Variants in TGIF2 observed in about 807,000 individuals in gnomAD.
TGIF2 encodes TGFB induced factor homeobox 2.
In TGIF2, 5 loss-of-function variants were observed where a neutral mutation model predicts 15.1. The ratio of observed to expected loss-of-function variants is 0.33; its 90% CI spans 0.17 to 0.70. TGIF2 has a LOEUF of 0.70. TGIF2 is among the 30% of genes least tolerant of loss of function. The probability of loss-of-function intolerance (pLI) is 0.67; values close to 1 mark genes in which losing one functional copy is unlikely to be tolerated. For missense variants in TGIF2, 264 were observed against 302.5 expected (o/e 0.87, Z 0.94); for synonymous variants, 131 against 128.9 (o/e 1.02, Z -0.11).
chr20:36,587,254 G>C (rs2038678799), intron 2 of TGIF2, among the ~76,000 whole-genome samples: 1 of 152,210 alleles, frequency 6.6e-6, no homozygotes, highest in East Asian at 1.9e-4. Flanking sequence ...ATGCTAGGCT[G>C]CCAAGTGATC....
intron 2 of TGIF2, among the ~76,000 whole-genome samples, chr20:36,583,320 G>A (rs1202286603): frequency 6.6e-6 from 1 of 151,370 alleles, no homozygotes; most frequent in Admixed American, 6.6e-5. Context: ...TGGTCTGGCA[G>A]GGTAACTCAT....
At chr20:36,589,418 A>C (rs985984724) in intron 2 of TGIF2, among the ~76,000 whole-genome samples, 2 of 150,056 alleles carry the variant, frequency 1.3e-5, no homozygotes, top group African/African-American at 4.9e-5. Context: ...TTTAAGACGG[A>C]GTCTCACTCT....
chr20:36,592,492 A>G lies in TGIF2; in HGVS notation c.*1061A>G, dbSNP rs1471516361. ...TTAGCAACTTGGATTAGAGGGGCCC[A>G]TATGTCAGAAGCTCCCAGCACCTCC... is the stretch of plus-strand genomic sequence containing the variant. On this transcript the variant is annotated 3_prime_UTR_variant, in exon 3 of 3. Transcript: ENST00000373872. The G allele has an allele frequency of 6.6e-6, 1 of 152,250 alleles. No individual in the cohort carries two copies. Among genetic ancestry groups the G allele is most frequent in the African/African-American group, 2.4e-5 (1 of 41,342 alleles). 9.4% of individuals were successfully genotyped at this position (152,250 alleles called of 1,614,324 possible). A position where few individuals can be genotyped will look rare whatever the true frequency, so the allele number is the denominator to read the frequency against.
At position 36,578,954 on chromosome 20, in the gene TGIF2, G is replaced by A. The variant is rs778844540; in HGVS notation, c.180G>A (p.Leu60=). 102 of 1,613,740 alleles carry A rather than the reference G, an allele frequency of 6.3e-5. No individual in the cohort carries two copies. The South Asian group carries it at 1.0e-3, about 17-fold the overall frequency. The change falls in exon 2 of 3, where the codon CTG becomes CTA. Residue 60 remains leucine (L), a synonymous_variant. Coordinates refer to ENST00000373872, the MANE Select transcript of TGIF2 (RefSeq NM_021809.7). The part of the protein sequence containing the change: ...EKLSLSGQTN[L]SVLQICNWFI... ...TGAGCCTTTCTGGACAGACCAACCT[G>A]TCAGTGCTGCAAGTAAGGAGGGGAT...
chr20:36,581,031 G>A (rs2038535261), intron 2 of TGIF2, among the ~76,000 whole-genome samples: 1 of 151,954 alleles, frequency 6.6e-6, no homozygotes, highest in South Asian at 2.1e-4. Flanking sequence ...GGAGGCTGAG[G>A]CAGGAGAATT....
intron 1 of TGIF2, among the ~76,000 whole-genome samples, chr20:36,577,438 T>G (rs952629552): frequency 1.1e-4 from 16 of 151,788 alleles, no homozygotes; most frequent in Non-Finnish European, 1.9e-4. Flanking sequence ...CTCGAACTCC[T>G]GACCTCAGGT....
intron 2 of TGIF2, among the ~76,000 whole-genome samples, chr20:36,585,788 G>A (rs572010251): frequency 6.6e-6 from 1 of 152,242 alleles, no homozygotes; most frequent in African/African-American, 2.4e-5. Flanking sequence ...TAGATCTGTG[G>A]CTACCTGGCA....
rs112906178 is a variant in TGIF2, at chr20:36,585,355, C to T, written c.193-5555C>T. On this transcript the variant is annotated intron_variant, in intron 2 of 2. Coordinates refer to ENST00000373872, the MANE Select transcript of TGIF2 (RefSeq NM_021809.7). The stretch of plus-strand genomic sequence containing the variant: ...TCTACTAAAAATAGTCCCAGCTATT[C>T]GGGAGGCTGAAGCAGGAGAATCACT... Among the ~76,000 whole-genome samples the T allele has an allele frequency of 6.8e-3, 1,015 of 150,090 alleles. 12 individuals carry two copies. Among genetic ancestry groups the T allele is most frequent in the African/African-American group, 0.024 (980 of 40,894 alleles).
rs1000809647 is a variant in TGIF2, at chr20:36,592,564, A to C, written c.*1133A>C. 8.5e-5 allele frequency: 13 copies of C among 152,562 alleles called. No individual in the cohort carries two copies. Among genetic ancestry groups the C allele is most frequent in the African/African-American group, 2.7e-4 (11 of 41,420 alleles). The allele number at this position is 152,562 out of a possible 1,614,324, so 9.5% of individuals were successfully genotyped here. A position where few individuals can be genotyped will look rare whatever the true frequency, so the allele number is the denominator to read the frequency against. On this transcript the variant is annotated 3_prime_UTR_variant, in exon 3 of 3. Coordinates refer to ENST00000373872, the MANE Select transcript of TGIF2 (RefSeq NM_021809.7). ...ATCTGCTGGTCAGGAAGTCCTCCAG[A>C]GAGGCAGCTTTTCCCACAATGGTGG...
At chr20:36,582,876 C>T (rs1470602921) in intron 2 of TGIF2, among the ~76,000 whole-genome samples, 3 of 152,204 alleles carry the variant, frequency 2.0e-5, no homozygotes, top group African/African-American at 7.2e-5. Context: ...TGGTCAATTA[C>T]CAGCTCCTGT....
intron 2 of TGIF2, 45 bp from the exon 3 acceptor site, chr20:36,590,865 T>C: frequency 6.7e-7 from 1 of 1,497,654 alleles, no homozygotes; most frequent in Non-Finnish European, 8.9e-7. Flanking sequence ...AGCCCATAGC[T>C]GTTTTAGATT....
At position 36,592,651 on chromosome 20, in the gene TGIF2, A is replaced by G. The variant is rs2038787396; in HGVS notation, c.*1220A>G. ...GCTGCGGAGGAACTGCCTTCAGAGAAGGTGGGGCTGGAAAAGGGTTAGAAG... is the reference window on the plus strand; with the variant it reads ...GCTGCGGAGGAACTGCCTTCAGAGAGGGTGGGGCTGGAAAAGGGTTAGAAG... On this transcript the variant is annotated 3_prime_UTR_variant, in exon 3 of 3. Transcript: ENST00000373872. The G allele has an allele frequency of 1.3e-5, 2 of 152,444 alleles. No individual in the cohort carries two copies. The highest frequency in any genetic ancestry group is 4.1e-4 in the South Asian group (2 of 4,820). The allele number at this position is 152,444 out of a possible 1,614,324, so 9.4% of individuals were successfully genotyped here. A position where few individuals can be genotyped will look rare whatever the true frequency, so the allele number is the denominator to read the frequency against.
chr20:36,584,221 C>T (rs2038605823), intron 2 of TGIF2, among the ~76,000 whole-genome samples: 1 of 152,208 alleles, frequency 6.6e-6, no homozygotes, highest in African/African-American at 2.4e-5. Flanking sequence ...CCAGGAGGCT[C>T]CCAGTCCCTA....
At chr20:36,585,335 T>TA (rs1186091081) in intron 2 of TGIF2, among the ~76,000 whole-genome samples, 2 of 151,758 alleles carry the variant, frequency 1.3e-5, no homozygotes, top group African/African-American at 4.8e-5. Flanking sequence ...CCGTCTCTAC[T>TA]AAAAATAGTC....
In TGIF2 at chr20:36,586,272, C is replaced by G. The variant is rs1220627686; in HGVS notation, c.193-4638C>G. Among the ~76,000 whole-genome samples the G allele has an allele frequency of 3.3e-5, 5 of 152,194 alleles. No individual in the cohort carries two copies. In the South Asian group the frequency reaches 1.0e-3, roughly 31 times the overall value. On this transcript the variant is annotated intron_variant, in intron 2 of 2. Transcript: ENST00000373872. ...CCTGCAAGGACAAGTAACCAGTAGG[C>G]TAAACCATTGGTTCCTAAGCCTGGG...
rs61132813 is a variant in TGIF2, at chr20:36,588,681, A to C, written c.193-2229A>C. ...CAGAGCCAGGGCCCCTCCTGGCTGG[A>C]ATGGAATGGGAGAGAAGGGCCACAG... On this transcript the variant is annotated intron_variant, in intron 2 of 2. Coordinates refer to ENST00000373872, the MANE Select transcript of TGIF2 (RefSeq NM_021809.7). 1.6e-3 allele frequency among the ~76,000 whole-genome samples: 237 copies of C among 151,564 alleles called. 3 individuals are homozygous for C. The East Asian group carries it at 0.023, about 15-fold the overall frequency.
At chr20:36,581,230 G>A (rs2038539764) in intron 2 of TGIF2, among the ~76,000 whole-genome samples, 1 of 152,188 alleles carries the variant, frequency 6.6e-6, no homozygotes, top group African/African-American at 2.4e-5. Flanking sequence ...GATCCTGGGT[G>A]CCCAGCAGTG....
At chr20:36,580,589 A>T (rs768574253) in intron 2 of TGIF2, among the ~76,000 whole-genome samples, 8 of 151,980 alleles carry the variant, frequency 5.3e-5, no homozygotes, top group Non-Finnish European at 7.4e-5. Context: ...AGGTAGGAGG[A>T]TCGCATGCGC....
At chr20:36,586,716 C>A (rs2038667674) in intron 2 of TGIF2, among the ~76,000 whole-genome samples, 2 of 125,904 alleles carry the variant, frequency 1.6e-5, no homozygotes, top group East Asian at 2.6e-4. Context: ...AAAAAAAAAT[C>A]TCCCCTAAGG....
Sources: gnomAD v4.1 joint callset for allele counts (sites outside exome capture counted in the v4.1 genomes callset) on GRCh38, gnomAD v4.1.1 for gene constraint, MANE v1.5 for transcripts, NCBI Gene and HGNC (gene_info 2026-07-23, HGNC 2026-07-21) for gene names.